The following RUSF1 variants were observed in gnomAD, a reference collection of about 807,000 sequenced individuals.
RUSF1 encodes RUS1 family protein C16orf58.
In RUSF1, 58 loss-of-function variants were observed where a neutral mutation model predicts 63.0. The observed-to-expected ratio is 0.92, with a 90% CI of 0.75 to 1.15. RUSF1 has a LOEUF of 1.15. RUSF1 is among the 50% of genes most tolerant of loss of function. The pLI is 0.00. For synonymous variants in RUSF1, 274 were observed against 255.8 expected (o/e 1.07, Z -0.68); for missense variants, 652 against 611.0 (o/e 1.07, Z -0.71).
chr16:31,502,963 T>C (rs2082640091), intron 2 of RUSF1, among the ~76,000 whole-genome samples: 1 of 152,252 alleles, frequency 6.6e-6, no homozygotes, highest in African/African-American at 2.4e-5. Context: ...AGCTACACAC[T>C]TGTATCCACT....
At chr16:31,493,291 C>T in intron 9 of RUSF1, 176 bp downstream of exon 9, 1 of 949,444 alleles carries the variant, frequency 1.1e-6, no homozygotes, top group Non-Finnish European at 1.7e-6. Flanking sequence ...CTTACATCTG[C>T]TTCATGTTAT....
Position 31,489,966 on chromosome 16 carries a change from T to C in RUSF1, c.*869A>G. 1 of 1,134,944 alleles carries C rather than the reference T, an allele frequency of 8.8e-7. No homozygotes were observed. The highest frequency in any genetic ancestry group is 1.3e-6 in the Non-Finnish European group (1 of 772,240). 70.3% of individuals were successfully genotyped at this position (1,134,944 alleles called of 1,614,324 possible). A position where few individuals can be genotyped will look rare whatever the true frequency, so the allele number is the denominator to read the frequency against. On this transcript the variant is annotated 3_prime_UTR_variant, in exon 13 of 13. Transcript: ENST00000327237. ...GCAGCCATGTAGGGTGGAGTTGGCA[T>C]GAGTTAAGCCTGGGCTGGGTGTGTA...
At chr16:31,507,065 C>T (rs183832105) in intron 2 of RUSF1, among the ~76,000 whole-genome samples, 1 of 152,246 alleles carries the variant, frequency 6.6e-6, no homozygotes, top group East Asian at 1.9e-4. Context: ...CCTTTAATGG[C>T]AATAACGACA....
In RUSF1 at chr16:31,490,476, A is replaced by T. The variant is rs778096784; in HGVS notation, c.*359T>A. The T allele has an allele frequency of 1.2e-6, 2 of 1,614,032 alleles. No homozygotes were observed. Among genetic ancestry groups the T allele is most frequent in the Non-Finnish European group, 1.7e-6 (2 of 1,180,012 alleles). On this transcript the variant is annotated 3_prime_UTR_variant, in exon 13 of 13. Coordinates refer to ENST00000327237, the MANE Select transcript of RUSF1 (RefSeq NM_022744.4). ...GGACCCGAGCTGGGCCCGTGTGGTC[A>T]ACCTCAATGCCCTGCTCATGATGGC...
chr16:31,496,783 C>A, intron 6 of RUSF1, 66 bp downstream of exon 6: 1 of 1,351,758 alleles, frequency 7.4e-7, no homozygotes, highest in Non-Finnish European at 1.0e-6. Flanking sequence ...CCCTCCAGGG[C>A]ACTCAAGTGG....
At chr16:31,504,922 CAGTATGCTTCATAA>C (rs1470391016) in intron 2 of RUSF1, among the ~76,000 whole-genome samples, 17 of 152,272 alleles carry the variant, frequency 1.1e-4, no homozygotes, top group African/African-American at 4.1e-4. Context: ...TGTTTACAGG[CAGTATGCTTCATAA>C]AAGTCATTGC....
chr16:31,494,221 C>CA (rs1003810717), intron 6 of RUSF1, among the ~76,000 whole-genome samples: 7 of 151,674 alleles, frequency 4.6e-5, no homozygotes, highest in African/African-American at 1.7e-4. Context: ...CCTATTTCTA[C>CA]AAAAAAATTA....
chr16:31,495,381 A>G (rs2082596749), intron 6 of RUSF1, among the ~76,000 whole-genome samples: 1 of 152,162 alleles, frequency 6.6e-6, no homozygotes, highest in Admixed American at 6.5e-5. Flanking sequence ...GGAGTTCAGG[A>G]GCTCCTCTCT....
Position 31,508,108 on chromosome 16 carries a change from T to A in RUSF1, c.266A>T (p.Asp89Val). ...ATCCCACAGCTGGTAGGGCAAGTAGTCCGGGCTGACGCTATCAGGGAAGCC... is the reference window on the plus strand; with the variant it reads ...ATCCCACAGCTGGTAGGGCAAGTAGACCGGGCTGACGCTATCAGGGAAGCC... The part of the protein sequence containing the change: ...PQGFPDSVSP[D>V]YLPYQLWDSV... Residue 89 changes from aspartate to valine, a missense_variant, in exon 1 of 13, where the codon GAC (aspartate) becomes GTC (valine). Transcript: ENST00000327237. The A allele has an allele frequency of 6.2e-7, 1 of 1,605,242 alleles. No homozygotes were observed. Among genetic ancestry groups the A allele is most frequent in the Non-Finnish European group, 8.5e-7 (1 of 1,176,444 alleles).
chr16:31,500,356 T>C (rs1017043385), intron 3 of RUSF1, among the ~76,000 whole-genome samples: 1 of 152,154 alleles, frequency 6.6e-6, no homozygotes. Context: ...TCAAATCCCA[T>C]CTCGCTAGTT....
intron 2 of RUSF1, among the ~76,000 whole-genome samples, chr16:31,504,169 G>T (rs1193965068): frequency 6.6e-6 from 1 of 152,020 alleles, no homozygotes; most frequent in East Asian, 1.9e-4. Flanking sequence ...CAATGTGCTG[G>T]GATTATAGGC....
intron 10 of RUSF1, 74 bp from the exon 11 acceptor site, chr16:31,492,414 T>C: frequency 4.1e-6 from 6 of 1,458,768 alleles, no homozygotes; most frequent in Non-Finnish European, 4.5e-6. Context: ...ATCACCCTGC[T>C]TCCCCTGTCT....
chr16:31,493,914 C>T lies in RUSF1; in HGVS notation c.725G>A (p.Gly242Glu), dbSNP rs1187263419. ...SSQETLVNLA[G>E]LLVSLLMLPL... ...GAGCATCAGGAGGCTGACCAAGAGC[C>T]CCGCCAGGTTCACCAGCGTCTCCTG... is the stretch of plus-strand genomic sequence containing the variant. The change falls in exon 7 of 13, where the codon GGG becomes GAG. Residue 242 changes from glycine (G) to glutamate (E), a missense_variant. Coordinates refer to ENST00000327237, the MANE Select transcript of RUSF1 (RefSeq NM_022744.4). 1.2e-5 allele frequency: 19 copies of T among 1,614,040 alleles called. No homozygotes were observed. The highest frequency in any genetic ancestry group is 1.6e-5 in the Non-Finnish European group (19 of 1,180,046).
In RUSF1 at chr16:31,503,827, T is replaced by C. The variant is rs553670921; in HGVS notation, c.416-3096A>G. 2.0e-5 allele frequency among the ~76,000 whole-genome samples: 3 copies of C among 152,304 alleles called. No individual in the cohort carries two copies. The East Asian group carries it at 5.8e-4, about 29-fold the overall frequency. On this transcript the variant is annotated intron_variant, in intron 2 of 12. Coordinates refer to ENST00000327237, the MANE Select transcript of RUSF1 (RefSeq NM_022744.4). ...ACAGGTGCACACAACCATGCCTGGCTAATTTTGTATTATTAGTAGAGAGGG... is the reference window on the plus strand; with the variant it reads ...ACAGGTGCACACAACCATGCCTGGCCAATTTTGTATTATTAGTAGAGAGGG...
intron 2 of RUSF1, among the ~76,000 whole-genome samples, chr16:31,502,366 T>C (rs1224330580): frequency 6.6e-6 from 1 of 152,180 alleles, no homozygotes; most frequent in African/African-American, 2.4e-5. Flanking sequence ...ACCCTGGACT[T>C]GAGGGAAATC....
intron 2 of RUSF1, among the ~76,000 whole-genome samples, chr16:31,505,159 A>G (rs371914018): frequency 7.9e-5 from 12 of 152,288 alleles, no homozygotes; most frequent in African/African-American, 2.9e-4. Flanking sequence ...GCTGGCGGCA[A>G]TGCTGCTCTG....
rs201269178 is a variant in RUSF1 at position 31,499,295 on chromosome 16, C to G, written c.600+7G>C. ...TTAGGCAGATGGGTGCCCCCACAGG[C>G]AGCTACCTTGGCTAGGTTGCTGGTG... On this transcript the variant is annotated splice_region_variant and intron_variant, in intron 5 of 12. Coordinates refer to ENST00000327237, the MANE Select transcript of RUSF1 (RefSeq NM_022744.4). 4 of 1,611,222 alleles carry G rather than the reference C, an allele frequency of 2.5e-6. No homozygotes were observed.
At position 31,493,688 on chromosome 16, in the gene RUSF1, C is replaced by T. The variant is rs1596625872; in HGVS notation, c.873G>A (p.Arg291=). 6.2e-7 allele frequency: 1 copy of T among 1,614,232 alleles called. No individual in the cohort carries two copies. The change falls in exon 8 of 13, where the codon CGG becomes CGA. Residue 291 remains arginine (R), a synonymous_variant. Transcript: ENST00000327237. The part of the protein sequence containing the change: ...ALVMETLNEG[R]LRLVLKHYLQ... ...GGTAGTGCTTCAGGACCAGCCGGAGCCGGCCTTCGTTCAAGGTCTCCATGA... is the reference window on the plus strand; with the variant it reads ...GGTAGTGCTTCAGGACCAGCCGGAGTCGGCCTTCGTTCAAGGTCTCCATGA...
intron 6 of RUSF1, among the ~76,000 whole-genome samples, chr16:31,496,044 A>G (rs149092916): frequency 7.9e-5 from 12 of 152,254 alleles, no homozygotes; most frequent in Non-Finnish European, 1.5e-5. Context: ...CTCATCTGTA[A>G]ACTAGGGATA....
Sources: gnomAD v4.1 joint callset for allele counts (sites outside exome capture counted in the v4.1 genomes callset) on GRCh38, gnomAD v4.1.1 for gene constraint, MANE v1.5 for transcripts, NCBI Gene and HGNC (gene_info 2026-07-23, HGNC 2026-07-21) for gene names.